The following RND3 variants were observed in gnomAD, a reference collection of about 807,000 sequenced individuals.
The protein encoded by RND3 is rho-related GTP-binding protein RhoE.
RND3 carries 8 observed loss-of-function variants against 26.5 expected under a neutral mutation model. The ratio of observed to expected loss-of-function variants is 0.30; its 90% CI spans 0.18 to 0.54. The LOEUF (loss-of-function observed/expected upper bound fraction) is 0.54, where lower values mean the gene tolerates loss of function less well. Among genes scored for constraint, RND3 ranks in the 20% least tolerant of loss-of-function variants. The pLI, the probability that RND3 is intolerant of heterozygous loss-of-function variation, is 0.94. For missense variants in RND3, 207 were observed against 302.8 expected (o/e 0.68, Z 2.35); for synonymous variants, 113 against 113.0 (o/e 1.00, Z 0.00).
intron 4 of RND3, 102 bp downstream of exon 4, chr2:150,474,773 A>C (rs1205863696): frequency 3.4e-6 from 2 of 590,876 alleles, no homozygotes; most frequent in Non-Finnish European, 3.0e-6. Flanking sequence ...ACAAATTGTA[A>C]GGCAGGGAAT....
chr2:150,482,432 A>G (rs1686289432), intron 3 of RND3, among the ~76,000 whole-genome samples: 1 of 152,208 alleles, frequency 6.6e-6, no homozygotes, highest in South Asian at 2.1e-4. Context: ...CTTACTTATT[A>G]CTTCACAATT....
chr2:150,486,766 C>CGGAA lies in RND3; in HGVS notation c.165_166insTTCC (p.Val56PhefsTer4). On this transcript the variant is annotated frameshift_variant, in exon 3 of 6. Coordinates refer to ENST00000263895, the MANE Select transcript of RND3 (RefSeq NM_005168.5). LOFTEE classifies it high-confidence loss of function. This position sits in a 1 kb window ranked among gnomAD's most constrained non-coding sequence, Gnocchi z 4.5. ...AAACTGGCCGTGTAATTCTCAAACA[C>CGGAA]TGTAGGAACGTAATTCTGGATAGAC... 6.2e-7 allele frequency: 1 copy of CGGAA among 1,612,834 alleles called. No homozygotes were observed. Among genetic ancestry groups the CGGAA allele is most frequent in the Non-Finnish European group, 8.5e-7 (1 of 1,178,776 alleles).
intron 3 of RND3, among the ~76,000 whole-genome samples, chr2:150,476,403 G>A (rs931285786): frequency 6.6e-6 from 1 of 152,142 alleles, no homozygotes; most frequent in Non-Finnish European, 1.5e-5. Context: ...GTACACTCTG[G>A]GTCCCTGGCA....
rs1009068374 is a variant in RND3, at chr2:150,469,525, T to C, written c.*462A>G. 1 of 155,052 alleles carries C rather than the reference T, an allele frequency of 6.4e-6. No individual in the cohort carries two copies. Among genetic ancestry groups the C allele is most frequent in the African/African-American group, 2.4e-5 (1 of 41,422 alleles). 9.6% of individuals were successfully genotyped at this position (155,052 alleles called of 1,614,324 possible). ...AGATCACATCCTCTAGAAAACTAAATGCTAAGGTCACAGTGCCAGTTCCCC... is the reference window on the plus strand; with the variant it reads ...AGATCACATCCTCTAGAAAACTAAACGCTAAGGTCACAGTGCCAGTTCCCC... On this transcript the variant is annotated 3_prime_UTR_variant, in exon 6 of 6. Transcript: ENST00000263895.
In RND3 at chr2:150,471,614, G is replaced by A. The variant is rs780684839; in HGVS notation, c.483+13C>T. 1 of 1,585,766 alleles carries A rather than the reference G, an allele frequency of 6.3e-7. No homozygotes were observed. Among genetic ancestry groups the A allele is most frequent in the East Asian group, 2.3e-5 (1 of 44,374 alleles). On this transcript the variant is annotated intron_variant, in intron 5 of 5. Transcript: ENST00000263895. ...TTCTAAAATCCAGTTTTGCACATGG[G>A]CAACATACATACCTGGTCATAGGAC...
intron 3 of RND3, among the ~76,000 whole-genome samples, chr2:150,480,926 C>G (rs1686259363): frequency 6.6e-6 from 1 of 152,164 alleles, no homozygotes; most frequent in South Asian, 2.1e-4. Context: ...TCATTACTAC[C>G]TGATGAAATG....
intron 4 of RND3, among the ~76,000 whole-genome samples, chr2:150,472,612 C>T (rs138273688): frequency 2.6e-5 from 4 of 152,198 alleles, no homozygotes; most frequent in Middle Eastern, 6.8e-3. Context: ...GAGTTCAGGG[C>T]GGTCACAGGA....
intron 3 of RND3, among the ~76,000 whole-genome samples, chr2:150,485,131 A>G (rs1310021942): frequency 6.6e-6 from 1 of 152,202 alleles, no homozygotes; most frequent in African/African-American, 2.4e-5. Flanking sequence ...CCCAACAGAA[A>G]ACACGGCGGC....
intron 3 of RND3, among the ~76,000 whole-genome samples, chr2:150,477,193 A>T (rs1359921055): frequency 1.3e-5 from 2 of 152,098 alleles, no homozygotes; most frequent in Non-Finnish European, 2.9e-5. Flanking sequence ...TCACATTAGG[A>T]AAAACCACTC....
intron 3 of RND3, among the ~76,000 whole-genome samples, chr2:150,482,044 T>C (rs1242733610): frequency 6.6e-6 from 1 of 152,154 alleles, no homozygotes; most frequent in African/African-American, 2.4e-5. Flanking sequence ...AAAACTAAAA[T>C]AGGAAGTACT....
Position 150,481,638 on chromosome 2 carries a change from G to A in RND3, c.238+5056C>T, listed in dbSNP as rs189868804. Among the ~76,000 whole-genome samples, 428 of 152,094 alleles carry A rather than the reference G, an allele frequency of 2.8e-3. 1 individual carries two copies. Among genetic ancestry groups the A allele is most frequent in the Non-Finnish European group, 3.3e-3 (221 of 67,990 alleles). On this transcript the variant is annotated intron_variant, in intron 3 of 5. Transcript: ENST00000263895. ...TCCCATAGCATCTAGCAGATTGTAT[G>A]CACACAGAAAGCACTAAACCATGTT...
chr2:150,473,537 G>A (rs1686118397), intron 4 of RND3, among the ~76,000 whole-genome samples: 1 of 152,174 alleles, frequency 6.6e-6, no homozygotes, highest in Non-Finnish European at 1.5e-5. Context: ...ATTAAAGACA[G>A]GAAAGGTGTA....
In RND3 at chr2:150,486,655, A is replaced by T. The variant is rs758959478; in HGVS notation, c.238+39T>A. 6.4e-5 allele frequency: 93 copies of T among 1,449,026 alleles called. No homozygotes were observed. The East Asian group carries it at 2.1e-3, about 32-fold the overall frequency. 89.8% of individuals were successfully genotyped at this position (1,449,026 alleles called of 1,614,324 possible). On this transcript the variant is annotated intron_variant, in intron 3 of 5. Coordinates refer to ENST00000263895, the MANE Select transcript of RND3 (RefSeq NM_005168.5). The surrounding 1 kb of genome is among the most constrained non-coding windows in gnomAD (Gnocchi z 4.5). ...CCGCCGCGCATCCCCCAGCGACTGG[A>T]AACCCGCCCCAAGCGCCACGCGGTC...
chr2:150,477,932 G>A (rs1686193941), intron 3 of RND3, among the ~76,000 whole-genome samples: 1 of 152,066 alleles, frequency 6.6e-6, no homozygotes, highest in African/African-American at 2.4e-5. Context: ...AGATCAACAC[G>A]AGTGTCCAAA....
At position 150,486,182 on chromosome 2, in the gene RND3, C is replaced by G. The variant is rs988600252; in HGVS notation, c.238+512G>C. ...TAGGCGTCACGGGCGCCGCGGCTGCCTGCGCTCAGTTTCTTTCCCTCAACA... is the reference window on the plus strand; with the variant it reads ...TAGGCGTCACGGGCGCCGCGGCTGCGTGCGCTCAGTTTCTTTCCCTCAACA... On this transcript the variant is annotated intron_variant, in intron 3 of 5. Coordinates refer to ENST00000263895, the MANE Select transcript of RND3 (RefSeq NM_005168.5). This position sits in a 1 kb window ranked among gnomAD's most constrained non-coding sequence, Gnocchi z 4.5. Among the ~76,000 whole-genome samples, 1 of 152,112 alleles carries G rather than the reference C, an allele frequency of 6.6e-6. No individual in the cohort carries two copies. The highest frequency in any genetic ancestry group is 2.4e-5 in the African/African-American group (1 of 41,438).
Position 150,486,518 on chromosome 2 carries a change from A to G in RND3, c.238+176T>C, listed in dbSNP as rs1018837982. ...TCTCCCCACTGCTATCTCCTCGTCC[A>G]CGCTGTCGTCTGCCGCCCCCACCCA... is the stretch of plus-strand genomic sequence containing the variant. On this transcript the variant is annotated intron_variant, in intron 3 of 5. Coordinates refer to ENST00000263895, the MANE Select transcript of RND3 (RefSeq NM_005168.5). The surrounding 1 kb of genome is among the most constrained non-coding windows in gnomAD (Gnocchi z 4.5). Among the ~76,000 whole-genome samples, 1 of 152,164 alleles carries G rather than the reference A, an allele frequency of 6.6e-6. No homozygotes were observed. Among genetic ancestry groups the G allele is most frequent in the African/African-American group, 2.4e-5 (1 of 41,438 alleles).
intron 3 of RND3, among the ~76,000 whole-genome samples, chr2:150,477,364 C>T (rs986430269): frequency 6.6e-6 from 1 of 151,926 alleles, no homozygotes; most frequent in Non-Finnish European, 1.5e-5. Flanking sequence ...ACCATCTTTT[C>T]CAAATAAAAA....
intron 3 of RND3, among the ~76,000 whole-genome samples, chr2:150,480,010 G>A (rs1234415099): frequency 6.6e-6 from 1 of 152,112 alleles, no homozygotes; most frequent in African/African-American, 2.4e-5. Context: ...AGTCAGACAG[G>A]TAGATATGTT....
At position 150,487,258 on chromosome 2, in the gene RND3, CCA is replaced by C. The variant is rs747627963; in HGVS notation, c.150+8_150+9del. 6.4e-7 allele frequency: 1 copy of C among 1,573,376 alleles called. No individual in the cohort carries two copies. Among genetic ancestry groups the C allele is most frequent in the Admixed American group, 1.8e-5 (1 of 56,200 alleles). Reference sequence around the variant, plus strand: ...ACCCCCTCGTGGAAGCCGCGGCCGGCCACACTCACCTCGGGGAAGCAGTCCTT... The same window carrying C: ...ACCCCCTCGTGGAAGCCGCGGCCGGCCACTCACCTCGGGGAAGCAGTCCTT... On this transcript the variant is annotated splice_region_variant and intron_variant, in intron 2 of 5. Coordinates refer to ENST00000263895, the MANE Select transcript of RND3 (RefSeq NM_005168.5).
Sources: allele counts gnomAD v4.1 joint callset (sites outside exome capture counted in the v4.1 genomes callset), GRCh38; gene constraint gnomAD v4.1.1; non-coding constraint Gnocchi (gnomAD v3.1); transcripts MANE v1.5; gene names NCBI Gene and HGNC (gene_info 2026-07-23, HGNC 2026-07-21).